The following GRIK1 variants were observed in gnomAD, a reference collection of about 807,000 sequenced individuals.
GRIK1 encodes the protein glutamate receptor ionotropic, kainate 1.
A neutral mutation model predicts 105.7 loss-of-function variants in GRIK1; 69 were observed. That is an observed-to-expected ratio of 0.65 (90% CI 0.54 to 0.80). The LOEUF is 0.80. Among genes scored for constraint, GRIK1 ranks in the 30% least tolerant of loss-of-function variants. The pLI, the probability that GRIK1 is intolerant of heterozygous loss-of-function variation, is 0.00. For missense variants in GRIK1, 1,109 were observed against 1,167.3 expected (o/e 0.95, Z 0.73); for synonymous variants, 438 against 431.3 (o/e 1.02, Z -0.19).
chr21:29,604,890 A>G (rs2061582821), intron 7 of GRIK1, among the ~76,000 whole-genome samples: 1 of 152,182 alleles, frequency 6.6e-6, no homozygotes, highest in Non-Finnish European at 1.5e-5. Context: ...TCTTATTTGT[A>G]TATTCTTTCT....
At chr21:29,631,023 G>T (rs2062258837) in intron 7 of GRIK1, among the ~76,000 whole-genome samples, 1 of 151,948 alleles carries the variant, frequency 6.6e-6, no homozygotes, top group Admixed American at 6.6e-5. Context: ...GCTCAGGCTG[G>T]TCTAGAACTC....
rs115066181 is a variant in GRIK1 at position 29,725,821 on chromosome 21, C to T, written c.119-31758G>A. 5.7e-3 allele frequency among the ~76,000 whole-genome samples: 864 copies of T among 152,168 alleles called. 11 individuals carry two copies. Among genetic ancestry groups the T allele is most frequent in the African/African-American group, 0.02 (827 of 41,502 alleles). ...ATAAAATTACAGCTTTTGTAAAGGC[C>T]AATAGAGCATACCTTTTCTCTCCGC... On this transcript the variant is annotated intron_variant, in intron 1 of 17. Transcript: ENST00000327783.
intron 1 of GRIK1, among the ~76,000 whole-genome samples, chr21:29,895,141 C>A (rs759573560): frequency 5.9e-5 from 9 of 152,034 alleles, no homozygotes; most frequent in Non-Finnish European, 1.3e-4. Flanking sequence ...GAGTTAGAGG[C>A]TGACTTGGAG....
chr21:29,723,837 C>G lies in GRIK1; in HGVS notation c.119-29774G>C, dbSNP rs148737573. Among the ~76,000 whole-genome samples the G allele has an allele frequency of 1.2e-4, 19 of 152,074 alleles. 1 individual carries two copies. In the East Asian group the frequency reaches 3.7e-3, roughly 29 times the overall value. On this transcript the variant is annotated intron_variant, in intron 1 of 17. Coordinates refer to ENST00000327783, the MANE Select transcript of GRIK1 (RefSeq NM_001330994.2). The stretch of plus-strand genomic sequence containing the variant: ...TTTACTCTATCTATACTTTCTAAAG[C>G]TAACACAAGCAGCTCTAAGCAAAGA...
chr21:29,584,831 A>G (rs1450830044), intron 12 of GRIK1, among the ~76,000 whole-genome samples: 1 of 152,212 alleles, frequency 6.6e-6, no homozygotes, highest in Non-Finnish European at 1.5e-5. Flanking sequence ...ATGGTCTCAA[A>G]CTATGATGGT....
intron 1 of GRIK1, among the ~76,000 whole-genome samples, chr21:29,877,503 C>T (rs1263515559): frequency 2.6e-5 from 4 of 152,044 alleles, no homozygotes; most frequent in Non-Finnish European, 5.9e-5. Flanking sequence ...ATATAAATCA[C>T]TAAGAATTTA....
chr21:29,629,783 C>T (rs943585717), intron 7 of GRIK1, among the ~76,000 whole-genome samples: 4 of 152,184 alleles, frequency 2.6e-5, no homozygotes, highest in African/African-American at 9.7e-5. Context: ...GCCACCGCGC[C>T]TGGCCAATTT....
chr21:29,900,744 A>G (rs1424476027), intron 1 of GRIK1, among the ~76,000 whole-genome samples: 1 of 152,206 alleles, frequency 6.6e-6, no homozygotes, highest in Admixed American at 6.5e-5. Context: ...CAGAAAATTA[A>G]CAAGGATATC....
chr21:29,660,522 C>G (rs1002033931), intron 4 of GRIK1, among the ~76,000 whole-genome samples: 2 of 152,172 alleles, frequency 1.3e-5, no homozygotes, highest in African/African-American at 4.8e-5. Context: ...AAATTCCTCT[C>G]CACAAATTCT....
intron 1 of GRIK1, among the ~76,000 whole-genome samples, chr21:29,856,705 A>G (rs909262391): frequency 1.3e-5 from 2 of 152,244 alleles, no homozygotes; most frequent in African/African-American, 4.8e-5. Context: ...AGGCTTATCA[A>G]TAATTTATTT....
chr21:29,787,694 A>G (rs2066294905), intron 1 of GRIK1, among the ~76,000 whole-genome samples: 1 of 152,188 alleles, frequency 6.6e-6, no homozygotes, highest in Non-Finnish European at 1.5e-5. Context: ...TGACATTTTC[A>G]TCTTTAGCCT....
At chr21:29,640,167 A>G (rs886316270) in intron 7 of GRIK1, among the ~76,000 whole-genome samples, 1 of 151,982 alleles carries the variant, frequency 6.6e-6, no homozygotes, top group African/African-American at 2.4e-5. Flanking sequence ...AACTTAAAAA[A>G]AAAAAAGAAG....
rs546722527 is a variant in GRIK1, at chr21:29,769,276, A to G, written c.119-75213T>C. 7.9e-5 allele frequency among the ~76,000 whole-genome samples: 12 copies of G among 152,288 alleles called. No homozygotes were observed. The South Asian group carries it at 2.5e-3, about 32-fold the overall frequency. On this transcript the variant is annotated intron_variant, in intron 1 of 17. Coordinates refer to ENST00000327783, the MANE Select transcript of GRIK1 (RefSeq NM_001330994.2). ...CTAGGATGGGCCCTAATGCCATACA[A>G]CAGGAGTCTTTATAAAAAGGGGACA... is the stretch of plus-strand genomic sequence containing the variant.
At chr21:29,797,245 G>A (rs1196311990) in intron 1 of GRIK1, among the ~76,000 whole-genome samples, 1 of 152,154 alleles carries the variant, frequency 6.6e-6, no homozygotes, top group Non-Finnish European at 1.5e-5. Flanking sequence ...TATACTTTAT[G>A]TCTTTGTGCA....
chr21:29,560,515 C>CTTTCTTTCTTTCTTTCTTTCTTT lies in GRIK1; in HGVS notation c.2356+1108_2356+1109insAAAGAAAGAAAGAAAGAAAGAAA, dbSNP rs1568815407. Among the ~76,000 whole-genome samples, 23 of 50,252 alleles carry CTTTCTTTCTTTCTTTCTTTCTTT rather than the reference C, an allele frequency of 4.6e-4. 3 individuals carry two copies. Among genetic ancestry groups the CTTTCTTTCTTTCTTTCTTTCTTT allele is most frequent in the Non-Finnish European group, 5.6e-4 (16 of 28,688 alleles). 33.0% of individuals were successfully genotyped at this position (50,252 alleles called of 152,430 possible). A position where few individuals can be genotyped will look rare whatever the true frequency, so the allele number is the denominator to read the frequency against. On this transcript the variant is annotated intron_variant, in intron 15 of 17. Coordinates refer to ENST00000327783, the MANE Select transcript of GRIK1 (RefSeq NM_001330994.2). ...TCTTTCTTTCCTTCCTTCCTTCCTTCCTTCCTTTCTTTCTTTCTTTCTTTC... is the reference window on the plus strand; with the variant it reads ...TCTTTCTTTCCTTCCTTCCTTCCTTCTTTCTTTCTTTCTTTCTTTCTTTCTTCCTTTCTTTCTTTCTTTCTTTC...
At chr21:29,641,565 G>C (rs1383475162) in intron 7 of GRIK1, among the ~76,000 whole-genome samples, 2 of 152,130 alleles carry the variant, frequency 1.3e-5, no homozygotes, top group African/African-American at 4.8e-5. Context: ...AGTGTTAGTG[G>C]AACTAAGATT....
chr21:29,600,006 A>T (rs2061489636), intron 7 of GRIK1, among the ~76,000 whole-genome samples: 1 of 151,948 alleles, frequency 6.6e-6, no homozygotes, highest in African/African-American at 2.4e-5. Context: ...GAATCGCTTG[A>T]ACCCCAGAGG....
At chr21:29,809,635 G>C (rs563616681) in intron 1 of GRIK1, among the ~76,000 whole-genome samples, 1 of 152,194 alleles carries the variant, frequency 6.6e-6, no homozygotes, top group Non-Finnish European at 1.5e-5. Context: ...CACTGGGGTA[G>C]CCCTTTTCAC....
intron 1 of GRIK1, among the ~76,000 whole-genome samples, chr21:29,842,373 A>G (rs1201042041): frequency 6.6e-6 from 1 of 152,174 alleles, no homozygotes; most frequent in East Asian, 1.9e-4. Flanking sequence ...AGGAACATGG[A>G]GTGAAATTAG....
Sources: gnomAD v4.1 joint callset for allele counts (sites outside exome capture counted in the v4.1 genomes callset) on GRCh38, gnomAD v4.1.1 for gene constraint, MANE v1.5 for transcripts, NCBI Gene and HGNC (gene_info 2026-07-23, HGNC 2026-07-21) for gene names.